Variants in TENM4 observed in about 807,000 individuals in gnomAD.
TENM4 encodes teneurin-4.
A neutral mutation model predicts 243.3 loss-of-function variants in TENM4; 82 were observed. That is an observed-to-expected ratio of 0.34 (90% CI 0.28 to 0.40). TENM4 has a LOEUF of 0.40. Ranked by LOEUF, TENM4 falls within the 10% of genes least tolerant of loss-of-function variation. The probability of loss-of-function intolerance (pLI) is 1.00; values close to 1 mark genes in which losing one functional copy is unlikely to be tolerated. For synonymous variants in TENM4, 1,412 were observed against 1,456.3 expected (o/e 0.97, Z 0.69); for missense variants, 3,138 against 3,673.3 (o/e 0.85, Z 3.77).
intron 3 of TENM4, among the ~76,000 whole-genome samples, chr11:79,177,377 C>CT (rs568568755): frequency 2.2e-4 from 33 of 150,918 alleles, no homozygotes; most frequent in South Asian, 1.7e-3. Flanking sequence ...CTCTCCTTTT[C>CT]TTTTTTTTTC....
intron 6 of TENM4, among the ~76,000 whole-genome samples, chr11:79,023,184 C>T (rs1286171218): frequency 6.6e-6 from 1 of 152,130 alleles, no homozygotes; most frequent in African/African-American, 2.4e-5. Flanking sequence ...ACCTGCTAGA[C>T]CTTCCTAATC....
chr11:79,188,463 T>C (rs1863416554), intron 3 of TENM4, among the ~76,000 whole-genome samples: 1 of 151,194 alleles, frequency 6.6e-6, no homozygotes, highest in Non-Finnish European at 1.5e-5. Flanking sequence ...AGAGTTTCAG[T>C]GAAGTCCTAG....
chr11:78,874,196 T>C (rs1376057090), intron 9 of TENM4, among the ~76,000 whole-genome samples: 1 of 152,092 alleles, frequency 6.6e-6, no homozygotes, highest in East Asian at 1.9e-4. Context: ...TTACCAGCTG[T>C]GCATCAACAG....
At position 78,862,986 on chromosome 11, in the gene TENM4, T is replaced by C. The variant is rs1455162625; in HGVS notation, c.1231A>G (p.Arg411Gly). 2 of 1,480,426 alleles carry C rather than the reference T, an allele frequency of 1.4e-6. No homozygotes were observed. Among genetic ancestry groups the C allele is most frequent in the Non-Finnish European group, 1.8e-6 (2 of 1,097,266 alleles). 91.7% of individuals were successfully genotyped at this position (1,480,426 alleles called of 1,614,324 possible). The change falls in exon 10 of 34, where the codon AGG becomes GGG. Residue 411 changes from arginine to glycine, a missense_variant. Physicochemically the swap from Arg to Gly is moderately radical, Grantham distance 125. Coordinates refer to ENST00000278550, the MANE Select transcript of TENM4 (RefSeq NM_001098816.3). ...SGGTGLETPD[R>G]KGKGTTEGKP... ...CCTTCTGTGGTTCCTTTGCCTTTCC[T>C]GTCAGGGGTCTCTAAGCCAGTGCCC...
At chr11:79,400,102 CACACA>C (rs1858427263) in intron 1 of TENM4, among the ~76,000 whole-genome samples, 4 of 21,818 alleles carry the variant, frequency 1.8e-4, no homozygotes, top group African/African-American at 4.1e-4. Flanking sequence ...ACACACACCA[CACACA>C]CACACACACA....
At chr11:78,828,915 T>C (rs1857917003) in intron 12 of TENM4, among the ~76,000 whole-genome samples, 1 of 152,264 alleles carries the variant, frequency 6.6e-6, no homozygotes, top group African/African-American at 2.4e-5. Flanking sequence ...AGCCTGGGCC[T>C]GGCCTAAAGG....
intron 1 of TENM4, among the ~76,000 whole-genome samples, chr11:79,361,139 A>T (rs909491360): frequency 7.2e-5 from 11 of 152,334 alleles, no homozygotes; most frequent in South Asian, 2.1e-4. Context: ...GGGTGAAGGT[A>T]TGAGATCCAG....
intron 15 of TENM4, among the ~76,000 whole-genome samples, chr11:78,796,252 G>A (rs1857157532): frequency 6.6e-6 from 1 of 152,112 alleles, no homozygotes; most frequent in Non-Finnish European, 1.5e-5. Context: ...CTGATTAGAG[G>A]AGTTCAAACC....
At chr11:78,948,102 GA>G (rs1453348688) in intron 6 of TENM4, among the ~76,000 whole-genome samples, 3 of 152,018 alleles carry the variant, frequency 2.0e-5, no homozygotes, top group African/African-American at 7.2e-5. Flanking sequence ...CAACCCTAAG[GA>G]AAAGTTGAAA....
intron 1 of TENM4, among the ~76,000 whole-genome samples, chr11:79,354,670 A>G (rs1175521064): frequency 6.6e-6 from 1 of 152,252 alleles, no homozygotes; most frequent in Non-Finnish European, 1.5e-5. Flanking sequence ...TCTGAAATAC[A>G]GTAGCTTCAG....
At chr11:79,088,485 C>T (rs576493834) in intron 4 of TENM4, among the ~76,000 whole-genome samples, 7 of 152,170 alleles carry the variant, frequency 4.6e-5, no homozygotes, top group Admixed American at 1.3e-4. Context: ...CAGCTCTGTG[C>T]GCCCCAGCTG....
At chr11:79,103,355 T>A (rs1432435507) in intron 4 of TENM4, among the ~76,000 whole-genome samples, 1 of 152,192 alleles carries the variant, frequency 6.6e-6, no homozygotes, top group Non-Finnish European at 1.5e-5. Flanking sequence ...ATAATTCTGA[T>A]TGCTCCCTGA....
chr11:78,674,286 G>A (rs1026535112), intron 30 of TENM4, among the ~76,000 whole-genome samples: 1 of 152,164 alleles, frequency 6.6e-6, no homozygotes, highest in African/African-American at 2.4e-5. Context: ...ACTCCATTAT[G>A]GGGAGGCACA....
At chr11:79,413,728 A>G (rs1858751540) in intron 1 of TENM4, among the ~76,000 whole-genome samples, 1 of 152,248 alleles carries the variant, frequency 6.6e-6, no homozygotes, top group African/African-American at 2.4e-5. Context: ...CAATCTGAAT[A>G]TGGATTAGAA....
intron 6 of TENM4, among the ~76,000 whole-genome samples, chr11:79,037,153 G>A (rs1294055618): frequency 6.6e-6 from 1 of 152,214 alleles, no homozygotes; most frequent in Non-Finnish European, 1.5e-5. Flanking sequence ...TCCAGGACAG[G>A]AGGGACAGCG....
At chr11:79,346,402 G>A (rs1857327175) in intron 1 of TENM4, among the ~76,000 whole-genome samples, 1 of 152,058 alleles carries the variant, frequency 6.6e-6, no homozygotes, top group Non-Finnish European at 1.5e-5. Context: ...TGCTTATCAT[G>A]CTGTCTGGCA....
chr11:79,086,302 C>A (rs1860809703), intron 4 of TENM4, among the ~76,000 whole-genome samples: 2 of 152,226 alleles, frequency 1.3e-5, no homozygotes, highest in African/African-American at 4.8e-5. Flanking sequence ...CTGAGCCAAC[C>A]AACACCCGGT....
intron 4 of TENM4, among the ~76,000 whole-genome samples, chr11:79,138,449 T>TAAATATAA (rs1862164458): frequency 8.7e-6 from 1 of 114,654 alleles, no homozygotes. Flanking sequence ...ATTATATTTA[T>TAAATATAA]ATATAATATA....
At chr11:79,075,381 C>T (rs1433156403) in intron 4 of TENM4, among the ~76,000 whole-genome samples, 1 of 152,196 alleles carries the variant, frequency 6.6e-6, no homozygotes, top group Non-Finnish European at 1.5e-5. Flanking sequence ...CTGTCCTGGC[C>T]ACCTCCTAGC....
Sources: allele counts gnomAD v4.1 joint callset (sites outside exome capture counted in the v4.1 genomes callset), GRCh38; gene constraint gnomAD v4.1.1; transcripts MANE v1.5; gene names NCBI Gene and HGNC (gene_info 2026-07-23, HGNC 2026-07-21).